Variants in UNC5D observed in about 807,000 individuals in gnomAD.
UNC5D encodes the protein unc-5 netrin receptor D.
A neutral mutation model predicts 105.4 loss-of-function variants in UNC5D; 39 were observed. The ratio of observed to expected loss-of-function variants is 0.37; its 90% CI spans 0.29 to 0.48. The LOEUF (loss-of-function observed/expected upper bound fraction) is 0.48. Among genes scored for constraint, UNC5D ranks in the 20% least tolerant of loss-of-function variants. UNC5D has a pLI of 0.98. For missense variants in UNC5D, 991 were observed against 1,202.4 expected (o/e 0.82, Z 2.60); for synonymous variants, 452 against 450.4 (o/e 1.00, Z -0.04).
chr8:35,751,623 T>C (rs1038267777), intron 13 of UNC5D, among the ~76,000 whole-genome samples: 5 of 152,228 alleles, frequency 3.3e-5, no homozygotes, highest in African/African-American at 1.2e-4. Flanking sequence ...AATAATTTTC[T>C]GTTATAATTT....
chr8:35,347,630 C>A (rs1440653936), intron 1 of UNC5D, among the ~76,000 whole-genome samples: 1 of 151,904 alleles, frequency 6.6e-6, no homozygotes, highest in East Asian at 1.9e-4. Flanking sequence ...GTCATCATAC[C>A]TTACTGCTCA....
At chr8:35,596,331 T>C (rs988905236) in intron 4 of UNC5D, among the ~76,000 whole-genome samples, 4 of 152,180 alleles carry the variant, frequency 2.6e-5, no homozygotes, top group African/African-American at 9.7e-5. Flanking sequence ...GGAAAGTCTT[T>C]CTAAATCTTT....
intron 1 of UNC5D, among the ~76,000 whole-genome samples, chr8:35,350,070 T>C (rs1373090472): frequency 2.6e-5 from 4 of 151,480 alleles, no homozygotes; most frequent in Admixed American, 6.6e-5. Context: ...AATTAATTTA[T>C]TTTTTTTGCC....
chr8:35,496,376 G>T (rs28591276), intron 1 of UNC5D, among the ~76,000 whole-genome samples: 1,906 of 152,294 alleles, frequency 0.013, 53 homozygotes, highest in African/African-American at 0.044. Context: ...CTTTCTGGCT[G>T]TAGTATAGAG....
At chr8:35,513,118 C>T (rs1176395999) in intron 1 of UNC5D, among the ~76,000 whole-genome samples, 1 of 152,122 alleles carries the variant, frequency 6.6e-6, no homozygotes, top group Non-Finnish European at 1.5e-5. Flanking sequence ...CAGGCTCCCA[C>T]CTCTGGGACT....
chr8:35,389,356 A>C (rs1803625207), intron 1 of UNC5D, among the ~76,000 whole-genome samples: 2 of 152,200 alleles, frequency 1.3e-5, no homozygotes, highest in African/African-American at 4.8e-5. Context: ...CCTTGTTAAA[A>C]TCTGGGTAGG....
In UNC5D at chr8:35,792,895, A is replaced by G. The variant is rs999897520; in HGVS notation, c.*2332A>G. On this transcript the variant is annotated 3_prime_UTR_variant, in exon 17 of 17. Coordinates refer to ENST00000404895, the MANE Select transcript of UNC5D (RefSeq NM_080872.4). ...GAAAATTCTAAATGATTTTCCCTCA[A>G]ATCTATCTAGATTATTTTAAGATGA... is the stretch of plus-strand genomic sequence containing the variant. 1.8e-5 allele frequency: 7 copies of G among 394,316 alleles called. No homozygotes were observed. Among genetic ancestry groups the G allele is most frequent in the Non-Finnish European group, 3.4e-5 (7 of 205,138 alleles). The allele number at this position is 394,316 out of a possible 1,614,324, so 24.4% of individuals were successfully genotyped here.
rs757237977 is a variant in UNC5D, at chr8:35,722,263, G to A, written c.1171G>A (p.Val391Met). The A allele has an allele frequency of 1.8e-5, 29 of 1,614,098 alleles. No individual in the cohort carries two copies. Among genetic ancestry groups the A allele is most frequent in the East Asian group, 6.7e-5 (3 of 44,880 alleles). Residue 391 changes from valine to methionine, a missense_variant, in exon 9 of 17, where the codon GTG (valine) becomes ATG (methionine). Physicochemically the swap from Val to Met is conservative, Grantham distance 21. Around this residue, in one of 3 missense-constraint regions of UNC5D, gnomAD observed 944 missense variants for 1,131.6 expected, o/e 0.83. Transcript: ENST00000404895. ...ALYSGLGAAV[V>M]AVAVLVIGVT... Reference sequence around the variant, plus strand: ...GTACTCGGGCTTGGGTGCTGCCGTCGTGGCCGTTGCAGTCCTGGTCATTGG... The same window carrying A: ...GTACTCGGGCTTGGGTGCTGCCGTCATGGCCGTTGCAGTCCTGGTCATTGG...
At chr8:35,330,134 G>A (rs951333420) in intron 1 of UNC5D, among the ~76,000 whole-genome samples, 4 of 152,180 alleles carry the variant, frequency 2.6e-5, no homozygotes, top group Admixed American at 6.5e-5. Flanking sequence ...GAGTAGTAAA[G>A]CTGGATTCAC....
intron 4 of UNC5D, among the ~76,000 whole-genome samples, chr8:35,629,491 A>T (rs1821904108): frequency 1.3e-5 from 2 of 152,258 alleles, no homozygotes; most frequent in Non-Finnish European, 2.9e-5. Context: ...GGAGCTAAAC[A>T]TAAGGTATTC....
intron 1 of UNC5D, among the ~76,000 whole-genome samples, chr8:35,416,627 A>G (rs1308351084): frequency 6.6e-6 from 1 of 152,158 alleles, no homozygotes; most frequent in Admixed American, 6.6e-5. Context: ...TGTTTTAACA[A>G]GTGTTTGACT....
intron 3 of UNC5D, among the ~76,000 whole-genome samples, chr8:35,592,187 C>A (rs1410209312): frequency 6.6e-6 from 1 of 152,106 alleles, no homozygotes; most frequent in East Asian, 1.9e-4. Flanking sequence ...CTCATAGTGG[C>A]GGTTTCTTGA....
chr8:35,558,540 C>T (rs1816714747), intron 2 of UNC5D, among the ~76,000 whole-genome samples: 1 of 152,124 alleles, frequency 6.6e-6, no homozygotes, highest in Non-Finnish European at 1.5e-5. Flanking sequence ...CAGTAAGAGA[C>T]AAATGGAAAA....
At chr8:35,614,144 T>G (rs1325498239) in intron 4 of UNC5D, among the ~76,000 whole-genome samples, 1 of 152,178 alleles carries the variant, frequency 6.6e-6, no homozygotes, top group Non-Finnish European at 1.5e-5. Flanking sequence ...TGCCAGACAG[T>G]TTTCAAGCGA....
chr8:35,305,601 C>A (rs3114999), intron 1 of UNC5D, among the ~76,000 whole-genome samples: 49,466 of 145,516 alleles, frequency 0.34, 9,245 homozygotes, highest in Middle Eastern at 0.43. Flanking sequence ...TTCTTTCTTT[C>A]TTTCTTTCTT....
At chr8:35,261,681 A>G (rs970800791) in intron 1 of UNC5D, among the ~76,000 whole-genome samples, 4 of 152,100 alleles carry the variant, frequency 2.6e-5, no homozygotes, top group Non-Finnish European at 5.9e-5. Flanking sequence ...TTACCGATTC[A>G]GGATATGGAC....
At chr8:35,474,483 GATATAC>G (rs1400115198) in intron 1 of UNC5D, among the ~76,000 whole-genome samples, 5 of 152,178 alleles carry the variant, frequency 3.3e-5, no homozygotes, top group Admixed American at 2.0e-4. Context: ...CGATGTATAT[GATATAC>G]ATATAATATT....
intron 4 of UNC5D, among the ~76,000 whole-genome samples, chr8:35,599,309 A>C (rs1586215714): frequency 6.6e-6 from 1 of 152,244 alleles, no homozygotes; most frequent in African/African-American, 2.4e-5. Context: ...CAATATGGTG[A>C]CTATAGTTAA....
chr8:35,329,072 A>T (rs913032325), intron 1 of UNC5D, among the ~76,000 whole-genome samples: 3 of 152,172 alleles, frequency 2.0e-5, no homozygotes, highest in African/African-American at 7.2e-5. Flanking sequence ...AATTTAAAAC[A>T]ATGTTTTTAG....
Sources: gnomAD v4.1 joint callset for allele counts (sites outside exome capture counted in the v4.1 genomes callset) on GRCh38, gnomAD v4.1.1 for gene constraint, gnomAD v4.1.1 regional missense constraint, MANE v1.5 for transcripts, NCBI Gene and HGNC (gene_info 2026-07-23, HGNC 2026-07-21) for gene names.